Variants in PLCE1 observed in about 807,000 individuals in gnomAD.
PLCE1 encodes the protein phospholipase C epsilon 1.
A neutral mutation model predicts 242.8 loss-of-function variants in PLCE1; 119 were observed. The ratio of observed to expected loss-of-function variants is 0.49; its 90% CI spans 0.42 to 0.57. The LOEUF (loss-of-function observed/expected upper bound fraction) is 0.57. Ranked by LOEUF, PLCE1 falls within the 20% of genes least tolerant of loss-of-function variation. The pLI, the probability that PLCE1 is intolerant of heterozygous loss-of-function variation, is 0.00. For missense variants in PLCE1, 2,441 were observed against 2,788.8 expected (o/e 0.88, Z 2.81); for synonymous variants, 945 against 1,017.4 (o/e 0.93, Z 1.35).
chr10:94,271,060 A>C (rs1239107495), intron 18 of PLCE1, among the ~76,000 whole-genome samples: 1 of 152,024 alleles, frequency 6.6e-6, no homozygotes, highest in Admixed American at 6.6e-5. Context: ...CAAACCTGAG[A>C]AATTGGGCTG....
rs1477714992 is a variant in PLCE1 at position 94,298,147 on chromosome 10, A to G, written c.5168-232A>G. On this transcript the variant is annotated intron_variant, in intron 23 of 32. Coordinates refer to ENST00000371380, the MANE Select transcript of PLCE1 (RefSeq NM_016341.4). This position sits in a 1 kb window ranked among gnomAD's most constrained non-coding sequence, Gnocchi z 5.2. ...CAATCCTCCCACCCTGACCTCCCAA[A>G]GTGCTGGGATTATAGGAATGAGCCA... is the stretch of plus-strand genomic sequence containing the variant. Among the ~76,000 whole-genome samples the G allele has an allele frequency of 6.6e-6, 1 of 152,052 alleles. No individual in the cohort carries two copies. The highest frequency in any genetic ancestry group is 1.5e-5 in the Non-Finnish European group (1 of 68,014).
At chr10:94,262,360 C>T (rs1285324677) in intron 13 of PLCE1, 134 bp from the exon 14 acceptor site, 9 of 771,792 alleles carry the variant, frequency 1.2e-5, no homozygotes, top group Non-Finnish European at 1.9e-5. Context: ...GAAATAAACA[C>T]TTCTTTGATG....
intron 2 of PLCE1, among the ~76,000 whole-genome samples, chr10:94,102,640 G>A (rs1236979759): frequency 2.0e-5 from 3 of 152,170 alleles, no homozygotes; most frequent in Admixed American, 2.0e-4. Context: ...TCACACAGCT[G>A]GTTATCAGAG....
At chr10:94,112,740 C>A (rs2045994165) in intron 2 of PLCE1, among the ~76,000 whole-genome samples, 1 of 152,152 alleles carries the variant, frequency 6.6e-6, no homozygotes, top group Admixed American at 6.5e-5. Context: ...GTTTGAGAAC[C>A]ACTGCACTAG....
At chr10:94,070,502 C>T (rs144175813) in intron 2 of PLCE1, among the ~76,000 whole-genome samples, 1 of 152,300 alleles carries the variant, frequency 6.6e-6, no homozygotes, top group Non-Finnish European at 1.5e-5. Context: ...TCCCCCAGCA[C>T]AGGCTAGTTT....
intron 11 of PLCE1, among the ~76,000 whole-genome samples, chr10:94,257,697 C>A (rs2051148787): frequency 2.6e-5 from 4 of 152,164 alleles, no homozygotes; most frequent in Admixed American, 2.6e-4. Context: ...CGCGTGTTCT[C>A]ACTCATAGGT....
chr10:94,045,695 G>A (rs2061867341), intron 2 of PLCE1, among the ~76,000 whole-genome samples: 1 of 152,214 alleles, frequency 6.6e-6, no homozygotes, highest in Non-Finnish European at 1.5e-5. Context: ...TACAGTTCCT[G>A]GGATGCATAC....
intron 4 of PLCE1, among the ~76,000 whole-genome samples, chr10:94,221,740 AAAGAAG>A (rs556168808): frequency 2.0e-5 from 3 of 152,000 alleles, no homozygotes; most frequent in Admixed American, 6.5e-5. Context: ...GTCTAAAAAA[AAAGAAG>A]AAGAAGAAGA....
At chr10:94,264,937 G>A (rs2051458775) in intron 14 of PLCE1, among the ~76,000 whole-genome samples, 1 of 152,182 alleles carries the variant, frequency 6.6e-6, no homozygotes, top group South Asian at 2.1e-4. Flanking sequence ...AGGCCAGGCT[G>A]GGCAATATAG....
chr10:94,218,041 G>T (rs1219839516), intron 4 of PLCE1, among the ~76,000 whole-genome samples: 4 of 151,742 alleles, frequency 2.6e-5, no homozygotes, highest in African/African-American at 4.8e-5. Flanking sequence ...AGCACTTTCA[G>T]TAAATATAAA....
intron 3 of PLCE1, among the ~76,000 whole-genome samples, chr10:94,148,666 G>A (rs953281759): frequency 6.6e-6 from 1 of 152,168 alleles, no homozygotes; most frequent in African/African-American, 2.4e-5. Context: ...AAGAAAAAGA[G>A]AGAAAGGATG....
intron 23 of PLCE1, among the ~76,000 whole-genome samples, chr10:94,295,216 A>G (rs985778481): frequency 1.3e-5 from 2 of 152,024 alleles, no homozygotes; most frequent in Non-Finnish European, 2.9e-5. Flanking sequence ...GCGCCCGGCC[A>G]TGGTAGAACT....
At position 93,995,175 on chromosome 10, in the gene PLCE1, A is replaced by C. The variant is rs971722081; in HGVS notation, c.-365+917A>C. ...TTGGGAGGTGGAAGCAGGTGACCCC[A>C]TAGGTGCTTGTACAGGTGCCCAGTT... is the stretch of plus-strand genomic sequence containing the variant. On this transcript the variant is annotated intron_variant, in intron 1 of 32. Transcript: ENST00000371380. Among the ~76,000 whole-genome samples the C allele has an allele frequency of 5.3e-5, 8 of 152,302 alleles. No homozygotes were observed. In the East Asian group the frequency reaches 1.5e-3, roughly 29 times the overall value.
At chr10:94,188,076 C>T (rs2048539459) in intron 4 of PLCE1, among the ~76,000 whole-genome samples, 1 of 152,150 alleles carries the variant, frequency 6.6e-6, no homozygotes, top group Admixed American at 6.5e-5. Flanking sequence ...CTCCCACCCC[C>T]CAGCACCATA....
chr10:94,180,555 T>C (rs2048280161), intron 4 of PLCE1, among the ~76,000 whole-genome samples: 1 of 152,198 alleles, frequency 6.6e-6, no homozygotes, highest in Non-Finnish European at 1.5e-5. Context: ...TTTATATTCC[T>C]CTCTTGACCA....
At chr10:94,210,409 GT>G (rs2049295432) in intron 4 of PLCE1, among the ~76,000 whole-genome samples, 1 of 151,988 alleles carries the variant, frequency 6.6e-6, no homozygotes, top group Non-Finnish European at 1.5e-5. Flanking sequence ...TCCCAAACAG[GT>G]CTGTCACTTT....
intron 3 of PLCE1, among the ~76,000 whole-genome samples, chr10:94,159,618 G>A (rs1024821488): frequency 2.0e-5 from 3 of 152,024 alleles, no homozygotes; most frequent in Non-Finnish European, 4.4e-5. Flanking sequence ...TTCTCTAATT[G>A]TAACTTTTTT....
intron 5 of PLCE1, among the ~76,000 whole-genome samples, chr10:94,228,913 G>A (rs956256496): frequency 2.2e-4 from 33 of 152,286 alleles, no homozygotes; most frequent in African/African-American, 7.7e-4. Context: ...CGGGCACGGT[G>A]GCTCATGCCT....
intron 23 of PLCE1, among the ~76,000 whole-genome samples, chr10:94,295,502 A>G (rs1028502813): frequency 1.3e-5 from 2 of 152,082 alleles, no homozygotes; most frequent in African/African-American, 4.8e-5. Context: ...TACTCCCTCC[A>G]CTGAGGTTTT....
Sources: allele counts gnomAD v4.1 joint callset (sites outside exome capture counted in the v4.1 genomes callset), GRCh38; gene constraint gnomAD v4.1.1; non-coding constraint Gnocchi (gnomAD v3.1); transcripts MANE v1.5; gene names NCBI Gene and HGNC (gene_info 2026-07-23, HGNC 2026-07-21).